Variants in TUSC3 observed in about 807,000 individuals in gnomAD.
TUSC3 encodes the protein tumor suppressor candidate 3.
In TUSC3, 45 loss-of-function variants were observed where a neutral mutation model predicts 44.8. The observed-to-expected ratio is 1.00, with a 90% CI of 0.79 to 1.29. TUSC3 has a LOEUF of 1.29. Ranked by LOEUF, TUSC3 falls within the 50% of genes most tolerant of loss-of-function variation. The pLI is 0.00. For synonymous variants in TUSC3, 212 were observed against 152.9 expected (o/e 1.39, Z -2.85); for missense variants, 519 against 437.9 (o/e 1.19, Z -1.65).
chr8:15,630,204 A>C (rs1176148294), intron 2 of TUSC3, among the ~76,000 whole-genome samples: 1 of 152,172 alleles, frequency 6.6e-6, no homozygotes, highest in African/African-American at 2.4e-5. Context: ...AAGGGAAATA[A>C]AGAACTTATG....
intron 1 of TUSC3, among the ~76,000 whole-genome samples, chr8:15,554,600 ATT>A (rs376264004): frequency 1.1e-4 from 12 of 111,652 alleles, no homozygotes; most frequent in African/African-American, 2.6e-4. Context: ...TTTTACTATA[ATT>A]TTTTTTTTTT....
At chr8:15,445,957 C>G (rs1800091067) in intron 1 of TUSC3, among the ~76,000 whole-genome samples, 1 of 149,632 alleles carries the variant, frequency 6.7e-6, no homozygotes, top group Non-Finnish European at 1.5e-5. Flanking sequence ...GGGGCTGCCC[C>G]CCACCTCGCG....
At chr8:15,823,926 A>G in the TUSC3 span, among the ~76,000 whole-genome samples, 3 of 152,238 alleles carry the variant, frequency 2.0e-5, no homozygotes, top group African/African-American at 7.2e-5. Context: ...ATGATCTGAA[A>G]TGGAATATGA....
At chr8:15,461,822 G>C (rs1378327002) in intron 1 of TUSC3, among the ~76,000 whole-genome samples, 1 of 151,604 alleles carries the variant, frequency 6.6e-6, no homozygotes, top group Non-Finnish European at 1.5e-5. Flanking sequence ...TAAAAGATTT[G>C]TATATATAAT....
At chr8:15,792,766 TCAC>T in the TUSC3 span, among the ~76,000 whole-genome samples, 1 of 151,946 alleles carries the variant, frequency 6.6e-6, no homozygotes, top group East Asian at 2.0e-4. Flanking sequence ...CAGGTGTGCA[TCAC>T]CACCACAACC....
chr8:15,577,556 T>G (rs1452103313), intron 1 of TUSC3, among the ~76,000 whole-genome samples: 1 of 148,886 alleles, frequency 6.7e-6, no homozygotes, highest in Admixed American at 6.7e-5. Context: ...CCCAGCACCA[T>G]TTATTAAATA....
intron 2 of TUSC3, among the ~76,000 whole-genome samples, chr8:15,527,096 A>G (rs966670666): frequency 1.3e-5 from 2 of 152,224 alleles, no homozygotes; most frequent in Admixed American, 6.5e-5. Context: ...AATGTTTACT[A>G]TAATTTGCAT....
At chr8:15,808,446 G>A in the TUSC3 span, among the ~76,000 whole-genome samples, 1 of 151,916 alleles carries the variant, frequency 6.6e-6, no homozygotes, top group Non-Finnish European at 1.5e-5. Context: ...TTTTGATATT[G>A]GACAAAGAAA....
At chr8:15,474,057 C>G (rs1001802114) in intron 1 of TUSC3, among the ~76,000 whole-genome samples, 4 of 152,086 alleles carry the variant, frequency 2.6e-5, no homozygotes, top group African/African-American at 4.8e-5. Flanking sequence ...GCATTCTTCC[C>G]CACGGTATTA....
intron 6 of TUSC3, among the ~76,000 whole-genome samples, chr8:15,693,723 A>G (rs1410628911): frequency 2.6e-5 from 4 of 151,912 alleles, no homozygotes; most frequent in Middle Eastern, 6.3e-3. Flanking sequence ...TTCACGGATG[A>G]TATTCTGAAA....
At chr8:15,690,334 T>C (rs544420097) in intron 6 of TUSC3, among the ~76,000 whole-genome samples, 1 of 151,086 alleles carries the variant, frequency 6.6e-6, no homozygotes, top group Non-Finnish European at 1.5e-5. Flanking sequence ...GTTCATGTCC[T>C]TTGCCCACTT....
At chr8:15,799,712 A>C in the TUSC3 span, among the ~76,000 whole-genome samples, 3 of 152,172 alleles carry the variant, frequency 2.0e-5, no homozygotes, top group Non-Finnish European at 2.9e-5. Flanking sequence ...GAAAGGCATG[A>C]CTTTTTCAGC....
In TUSC3 at chr8:15,748,403, G is replaced by T. The variant is rs753561542; in HGVS notation, c.966G>T (p.Val322=). The change falls in exon 9 of 11, where the codon GTG becomes GTT. Residue 322 remains valine, a synonymous_variant. Coordinates refer to ENST00000503731, the MANE Select transcript of TUSC3 (RefSeq NM_006765.4). ...TTTGCCTAGTGGGATTGGGCCTGGT[G>T]GTCTTCTTCTTCAGTTTTCTACTTT... The part of the protein sequence containing the change: ...RIICLVGLGL[V]VFFFSFLLSI... 2 of 1,613,412 alleles carry T rather than the reference G, an allele frequency of 1.2e-6. No homozygotes were observed. The highest frequency in any genetic ancestry group is 1.7e-6 in the Non-Finnish European group (2 of 1,179,558).
At chr8:15,818,789 T>A in the TUSC3 span, among the ~76,000 whole-genome samples, 2 of 152,268 alleles carry the variant, frequency 1.3e-5, no homozygotes, top group South Asian at 2.1e-4. Flanking sequence ...ATGAACTAGA[T>A]TGCTGCTGCC....
intron 2 of TUSC3, among the ~76,000 whole-genome samples, chr8:15,521,276 A>G (rs935684593): frequency 6.6e-5 from 10 of 152,242 alleles, no homozygotes; most frequent in African/African-American, 2.4e-4. Flanking sequence ...GCTGGGTAGC[A>G]TGGCCTTGGC....
chr8:15,588,730 T>A (rs1803698733), intron 1 of TUSC3, among the ~76,000 whole-genome samples: 1 of 152,174 alleles, frequency 6.6e-6, no homozygotes, highest in South Asian at 2.1e-4. Flanking sequence ...AATTTTTGTA[T>A]ATGGTGAGAG....
intron 1 of TUSC3, among the ~76,000 whole-genome samples, chr8:15,433,946 ATG>A (rs1799912255): frequency 6.6e-6 from 1 of 152,154 alleles, no homozygotes; most frequent in South Asian, 2.1e-4. Context: ...TTCTGTGGAT[ATG>A]TGTTTTTATT....
intron 5 of TUSC3, among the ~76,000 whole-genome samples, chr8:15,671,869 C>G (rs900792880): frequency 6.6e-6 from 1 of 151,930 alleles, no homozygotes; most frequent in Non-Finnish European, 1.5e-5. Context: ...GGACATGTCA[C>G]TTATTCAGGA....
intron 6 of TUSC3, among the ~76,000 whole-genome samples, chr8:15,727,783 A>G (rs559670918): frequency 2.2e-4 from 33 of 152,352 alleles, no homozygotes; most frequent in African/African-American, 7.9e-4. Context: ...TGAAGTGGAA[A>G]CTATGAAATG....
Sources: allele counts gnomAD v4.1 joint callset (sites outside exome capture counted in the v4.1 genomes callset), GRCh38; gene constraint gnomAD v4.1.1; transcripts MANE v1.5; gene names NCBI Gene and HGNC (gene_info 2026-07-23, HGNC 2026-07-21).